Variants in NKAIN2 observed in about 807,000 individuals in gnomAD.
NKAIN2 encodes the protein sodium/potassium-transporting ATPase subunit beta-1-interacting protein 2.
In NKAIN2, 14 loss-of-function variants were observed where a neutral mutation model predicts 32.6. That is an observed-to-expected ratio of 0.43 (90% CI 0.28 to 0.67). NKAIN2 has a LOEUF of 0.67. Ranked by LOEUF, NKAIN2 falls within the 30% of genes least tolerant of loss-of-function variation. The pLI is 0.17. For missense variants in NKAIN2, 198 were observed against 258.3 expected (o/e 0.77, Z 1.60); for synonymous variants, 80 against 87.2 (o/e 0.92, Z 0.46).
chr6:124,385,281 G>GTGCCT (rs2114390918), intron 3 of NKAIN2, among the ~76,000 whole-genome samples: 1 of 152,230 alleles, frequency 6.6e-6, no homozygotes, highest in Non-Finnish European at 1.5e-5. Context: ...GATGGACGAG[G>GTGCCT]TGCCTTGAGA....
intron 3 of NKAIN2, among the ~76,000 whole-genome samples, chr6:124,397,982 G>T (rs190356189): frequency 1.2e-4 from 18 of 152,040 alleles, no homozygotes; most frequent in African/African-American, 4.3e-4. Flanking sequence ...GGCCGGGCGT[G>T]GTGGCTCACA....
At chr6:124,121,547 C>T (rs975606400) in intron 1 of NKAIN2, among the ~76,000 whole-genome samples, 2 of 151,954 alleles carry the variant, frequency 1.3e-5, no homozygotes, top group African/African-American at 4.8e-5. Context: ...ATAAGCATAT[C>T]AAACAGGCCA....
intron 3 of NKAIN2, among the ~76,000 whole-genome samples, chr6:124,552,708 T>C (rs1276865141): frequency 6.6e-6 from 1 of 152,172 alleles, no homozygotes; most frequent in Admixed American, 6.6e-5. Context: ...GGAACAAAGC[T>C]CTCAGAATCA....
At chr6:124,266,923 T>C (rs749912897) in intron 1 of NKAIN2, among the ~76,000 whole-genome samples, 1 of 152,222 alleles carries the variant, frequency 6.6e-6, no homozygotes, top group African/African-American at 2.4e-5. Flanking sequence ...GTCATCCTTC[T>C]CAGGCTTTAT....
intron 3 of NKAIN2, among the ~76,000 whole-genome samples, chr6:124,368,726 T>C (rs1458117550): frequency 3.3e-5 from 5 of 152,166 alleles, no homozygotes; most frequent in African/African-American, 1.2e-4. Context: ...TTCAAAGGCA[T>C]ACCTTACCCA....
At position 124,733,127 on chromosome 6, in the gene NKAIN2, TAA is replaced by T. The variant is rs948421141; in HGVS notation, c.475-58209_475-58208del. 8.9e-4 allele frequency among the ~76,000 whole-genome samples: 135 copies of T among 151,928 alleles called. 2 individuals carry two copies. Among genetic ancestry groups the T allele is most frequent in the African/African-American group, 3.1e-3 (128 of 41,476 alleles). Reference sequence around the variant, plus strand: ...GAACAAACCAAAACTATAGCGACAGTAAAATATCAGTGGTTATCAGGAGTGAG... The same window carrying T: ...GAACAAACCAAAACTATAGCGACAGTAATATCAGTGGTTATCAGGAGTGAG... On this transcript the variant is annotated intron_variant, in intron 4 of 6. Coordinates refer to ENST00000368417, the MANE Select transcript of NKAIN2 (RefSeq NM_001040214.3).
chr6:124,168,593 A>G (rs901037886), intron 1 of NKAIN2, among the ~76,000 whole-genome samples: 2 of 151,994 alleles, frequency 1.3e-5, no homozygotes, highest in African/African-American at 4.8e-5. Context: ...TAAGAATGAC[A>G]TATCTAACAT....
chr6:124,347,096 C>T (rs1798463529), intron 2 of NKAIN2, among the ~76,000 whole-genome samples: 1 of 151,878 alleles, frequency 6.6e-6, no homozygotes, highest in South Asian at 2.1e-4. Flanking sequence ...ACTTATGAAG[C>T]TTAGTTTGGC....
intron 1 of NKAIN2, among the ~76,000 whole-genome samples, chr6:123,806,446 T>C (rs1021714983): frequency 6.6e-6 from 1 of 152,056 alleles, no homozygotes; most frequent in Non-Finnish European, 1.5e-5. Flanking sequence ...ACCTCAGAGA[T>C]TCTTGGTAAT....
intron 1 of NKAIN2, among the ~76,000 whole-genome samples, chr6:124,244,241 TC>T (rs1350736504): frequency 1.5e-5 from 1 of 66,580 alleles, no homozygotes; most frequent in Admixed American, 2.3e-4. Flanking sequence ...CCCTCCCCCC[TC>T]CCCCCACCCC....
intron 1 of NKAIN2, among the ~76,000 whole-genome samples, chr6:124,242,886 CA>C (rs1242822884): frequency 1.5e-5 from 2 of 135,054 alleles, no homozygotes; most frequent in Non-Finnish European, 3.1e-5. Context: ...GGGGGCATGT[CA>C]GGGGCTGGGG....
intron 1 of NKAIN2, among the ~76,000 whole-genome samples, chr6:124,275,075 G>C (rs1166599419): frequency 1.3e-5 from 2 of 152,026 alleles, no homozygotes; most frequent in East Asian, 3.9e-4. Flanking sequence ...TAATATGCTA[G>C]TCATCAGCTT....
chr6:124,259,527 C>A (rs865898767), intron 1 of NKAIN2, among the ~76,000 whole-genome samples: 2 of 152,000 alleles, frequency 1.3e-5, no homozygotes, highest in Non-Finnish European at 2.9e-5. Flanking sequence ...AAATATGATA[C>A]CAAAAAACAT....
chr6:123,914,986 G>A (rs1775415960), intron 1 of NKAIN2, among the ~76,000 whole-genome samples: 1 of 152,154 alleles, frequency 6.6e-6, no homozygotes, highest in Admixed American at 6.5e-5. Flanking sequence ...CTGAATCAAA[G>A]TCTCTGGGAA....
chr6:124,174,037 T>C (rs1389292050), intron 1 of NKAIN2, among the ~76,000 whole-genome samples: 3 of 152,162 alleles, frequency 2.0e-5, no homozygotes, highest in Middle Eastern at 3.2e-3. Flanking sequence ...AGAAGGGATA[T>C]TATGTTGAAG....
At chr6:124,351,673 G>C (rs1442971202) in intron 2 of NKAIN2, among the ~76,000 whole-genome samples, 1 of 152,064 alleles carries the variant, frequency 6.6e-6, no homozygotes, top group Non-Finnish European at 1.5e-5. Flanking sequence ...CCAGGCTGGA[G>C]TGAAGTGGTG....
At chr6:124,340,270 A>G (rs1006733654) in intron 2 of NKAIN2, among the ~76,000 whole-genome samples, 4 of 152,212 alleles carry the variant, frequency 2.6e-5, no homozygotes, top group African/African-American at 9.6e-5. Context: ...TTTGAGATCT[A>G]TGAATTACAC....
intron 3 of NKAIN2, among the ~76,000 whole-genome samples, chr6:124,557,346 T>TAA (rs970413920): frequency 2.0e-5 from 3 of 151,262 alleles, no homozygotes; most frequent in Non-Finnish European, 4.4e-5. Context: ...TGCCTTTCCC[T>TAA]AAAAAAAAAC....
chr6:124,642,169 T>G (rs1280810257), intron 3 of NKAIN2, among the ~76,000 whole-genome samples: 1 of 152,172 alleles, frequency 6.6e-6, no homozygotes, highest in Non-Finnish European at 1.5e-5. Context: ...TAGATATAAA[T>G]TTTTTGTGTT....
Sources: gnomAD v4.1 joint callset for allele counts (sites outside exome capture counted in the v4.1 genomes callset) on GRCh38, gnomAD v4.1.1 for gene constraint, MANE v1.5 for transcripts, NCBI Gene and HGNC (gene_info 2026-07-23, HGNC 2026-07-21) for gene names.